Variants in PAX7 observed in about 807,000 individuals in gnomAD.
The protein encoded by PAX7 is paired box 7.
Under a neutral mutation model 50.7 loss-of-function variants are expected in PAX7, and 18 were observed. The observed-to-expected ratio is 0.36, with a 90% CI of 0.25 to 0.53. PAX7 has a LOEUF of 0.53. PAX7 is among the 20% of genes least tolerant of loss of function. PAX7 has a pLI of 0.93. For missense variants in PAX7, 644 were observed against 702.9 expected, an observed-to-expected ratio of 0.92 and a Z score of 0.95; for synonymous variants, 310 against 290.4, an observed-to-expected ratio of 1.07 and a Z score of -0.69.
chr1:18,686,071 A>C (rs928541632), intron 4 of PAX7, among the ~76,000 whole-genome samples: 1 of 152,194 alleles, frequency 6.6e-6, no homozygotes, highest in African/African-American at 2.4e-5. Flanking sequence ...TTAACGAGCC[A>C]CAAGCTGCCT....
chr1:18,690,779 T>C (rs1417341042), intron 4 of PAX7, among the ~76,000 whole-genome samples: 1 of 152,220 alleles, frequency 6.6e-6, no homozygotes, highest in Non-Finnish European at 1.5e-5. Flanking sequence ...TGAGGTCTCC[T>C]CTAGCCTGGG....
intron 4 of PAX7, among the ~76,000 whole-genome samples, chr1:18,682,434 G>A (rs1218174197): frequency 6.6e-6 from 1 of 152,140 alleles, no homozygotes; most frequent in Non-Finnish European, 1.5e-5. Flanking sequence ...GGAGGGGGAG[G>A]AGCCATGTTG....
At chr1:18,695,291 G>A (rs958220135) in intron 5 of PAX7, among the ~76,000 whole-genome samples, 2 of 152,042 alleles carry the variant, frequency 1.3e-5, no homozygotes, top group Admixed American at 6.5e-5. Context: ...AACTCTGCCC[G>A]TTCTTGGCAG....
At chr1:18,635,487 G>A (rs1237423662) in intron 3 of PAX7, among the ~76,000 whole-genome samples, 7 of 78,284 alleles carry the variant, frequency 8.9e-5, no homozygotes, top group Non-Finnish European at 1.5e-4. Flanking sequence ...AATAAGAAAG[G>A]GAGGAAGAAG....
At chr1:18,706,136 T>C (rs2089280432) in intron 7 of PAX7, among the ~76,000 whole-genome samples, 1 of 152,126 alleles carries the variant, frequency 6.6e-6, no homozygotes, top group Non-Finnish European at 1.5e-5. Context: ...CTGCCCTCCC[T>C]CCTCACTCTG....
intron 6 of PAX7, among the ~76,000 whole-genome samples, chr1:18,701,038 A>C (rs901198580): frequency 6.6e-6 from 1 of 152,140 alleles, no homozygotes; most frequent in African/African-American, 2.4e-5. Context: ...CCTGTTTAGA[A>C]CTGAGCTTCT....
chr1:18,701,861 G>A (rs1185330737), intron 6 of PAX7, among the ~76,000 whole-genome samples: 1 of 152,182 alleles, frequency 6.6e-6, no homozygotes, highest in Non-Finnish European at 1.5e-5. Context: ...GTGAGTGGGT[G>A]AGAGAGGATA....
chr1:18,726,143 T>TGA lies in PAX7; in HGVS notation c.1156-9487_1156-9486dup, dbSNP rs1478505121. ...TTATAAAACAGACATTGGAAGAGTG[T>TGA]GAGTGTGTGTGTGTGTGTGTGTGTG... On this transcript the variant is annotated intron_variant, in intron 7 of 8. Transcript: ENST00000420770. The surrounding 1 kb of genome is among the most constrained non-coding windows in gnomAD (Gnocchi z 4.8). 3.3e-5 allele frequency among the ~76,000 whole-genome samples: 3 copies of TGA among 92,240 alleles called. No homozygotes were observed. The highest frequency in any genetic ancestry group is 3.7e-4 in the South Asian group (1 of 2,692). 60.5% of individuals were successfully genotyped at this position (92,240 alleles called of 152,430 possible). A position where few individuals can be genotyped will look rare whatever the true frequency, so the allele number is the denominator to read the frequency against.
At chr1:18,660,611 T>A (rs1440008817) in intron 4 of PAX7, among the ~76,000 whole-genome samples, 1 of 152,184 alleles carries the variant, frequency 6.6e-6, no homozygotes, top group Non-Finnish European at 1.5e-5. Flanking sequence ...CTGTGACCCC[T>A]GACCCCTGCA....
intron 4 of PAX7, among the ~76,000 whole-genome samples, chr1:18,642,007 A>G (rs1294373777): frequency 2.9e-5 from 4 of 139,288 alleles, no homozygotes; most frequent in Admixed American, 7.5e-5. Context: ...CCAAATTTTC[A>G]GTGGAATTTA....
At chr1:18,639,939 T>A (rs942866845) in intron 4 of PAX7, among the ~76,000 whole-genome samples, 1 of 133,292 alleles carries the variant, frequency 7.5e-6, no homozygotes, top group African/African-American at 2.9e-5. Flanking sequence ...GTTACAAGAT[T>A]AGAAAAAAGA....
At position 18,631,352 on chromosome 1, in the gene PAX7, A is replaced by G. The variant is rs1257828461; in HGVS notation, c.-252A>G. The G allele has an allele frequency of 4.0e-6, 2 of 500,968 alleles. No individual in the cohort carries two copies. The highest frequency in any genetic ancestry group is 3.3e-5 in the Admixed American group (1 of 30,748). 31.0% of individuals were successfully genotyped at this position (500,968 alleles called of 1,614,324 possible). ...TGGGGTTGGAGTGTTTGTTTGTTTG[A>G]ACTTCCTCGTCGTCGCCACCTTCCC... On this transcript the variant is annotated 5_prime_UTR_variant, in exon 1 of 9. Coordinates refer to ENST00000420770, the MANE Select transcript of PAX7 (RefSeq NM_001135254.2).
chr1:18,657,130 G>A (rs1320567426), intron 4 of PAX7, among the ~76,000 whole-genome samples: 1 of 151,898 alleles, frequency 6.6e-6, no homozygotes, highest in Non-Finnish European at 1.5e-5. Flanking sequence ...TTCAACCCAC[G>A]ACCCCACCTT....
At chr1:18,641,011 A>T (rs1312607373) in intron 4 of PAX7, among the ~76,000 whole-genome samples, 1 of 152,168 alleles carries the variant, frequency 6.6e-6, no homozygotes, top group Non-Finnish European at 1.5e-5. Flanking sequence ...AGAGAGGGGG[A>T]GGCGGGAGCA....
At chr1:18,688,565 T>C (rs184894673) in intron 4 of PAX7, among the ~76,000 whole-genome samples, 36 of 152,350 alleles carry the variant, frequency 2.4e-4, no homozygotes, top group African/African-American at 8.2e-4. Flanking sequence ...GAAACTTCTA[T>C]TGGACAGCAC....
At chr1:18,656,952 A>G (rs538056111) in intron 4 of PAX7, among the ~76,000 whole-genome samples, 63 of 152,190 alleles carry the variant, frequency 4.1e-4, no homozygotes, top group Non-Finnish European at 7.4e-4. Context: ...TGATCACACC[A>G]CTGCACTGCA....
intron 7 of PAX7, among the ~76,000 whole-genome samples, chr1:18,718,950 T>G (rs995314888): frequency 6.6e-6 from 1 of 152,140 alleles, no homozygotes; most frequent in Non-Finnish European, 1.5e-5. Context: ...GACCCTTCTT[T>G]TCTTTAGAAA....
chr1:18,706,886 C>T (rs554294608), intron 7 of PAX7, among the ~76,000 whole-genome samples: 51 of 152,196 alleles, frequency 3.4e-4, no homozygotes, highest in Admixed American at 9.8e-4. Context: ...CTGTGCATCA[C>T]GCTGGCCAGC....
At chr1:18,654,060 G>A (rs576335908) in intron 4 of PAX7, among the ~76,000 whole-genome samples, 2 of 152,122 alleles carry the variant, frequency 1.3e-5, no homozygotes, top group South Asian at 2.1e-4. Flanking sequence ...AACGCCGCCC[G>A]CAGCTGGCTG....
Sources: allele counts gnomAD v4.1 joint callset (sites outside exome capture counted in the v4.1 genomes callset), GRCh38; gene constraint gnomAD v4.1.1; non-coding constraint Gnocchi (gnomAD v3.1); transcripts MANE v1.5; gene names NCBI Gene and HGNC (gene_info 2026-07-23, HGNC 2026-07-21).